The following SCHIP1 variants were observed in gnomAD, a reference collection of about 807,000 sequenced individuals.
SCHIP1 encodes the protein schwannomin-interacting protein 1.
Under a neutral mutation model 29.7 loss-of-function variants are expected in SCHIP1, and 8 were observed. The observed-to-expected ratio is 0.27, with a 90% CI of 0.16 to 0.49. The LOEUF is 0.49. SCHIP1 is among the 20% of genes least tolerant of loss of function. The pLI, the probability that SCHIP1 is intolerant of heterozygous loss-of-function variation, is 0.99. For synonymous variants in SCHIP1, 76 were observed against 94.9 expected, an observed-to-expected ratio of 0.80 and a Z score of 1.16; for missense variants, 193 against 294.6, an observed-to-expected ratio of 0.66 and a Z score of 2.52.
chr3:159,434,078 A>G, the SCHIP1 span, among the ~76,000 whole-genome samples: 3 of 152,208 alleles, frequency 2.0e-5, no homozygotes, highest in Admixed American at 6.5e-5. Flanking sequence ...TTTCATCAGC[A>G]TTTATCTCAG....
the SCHIP1 span, among the ~76,000 whole-genome samples, chr3:159,781,055 G>C: frequency 6.6e-6 from 1 of 152,198 alleles, no homozygotes; most frequent in Non-Finnish European, 1.5e-5. Flanking sequence ...TTTTTAATGT[G>C]AATTAAAGAT....
the SCHIP1 span, among the ~76,000 whole-genome samples, chr3:159,510,882 G>A: frequency 5.9e-5 from 9 of 152,312 alleles, no homozygotes; most frequent in African/African-American, 9.6e-5. Context: ...GCCCCTACTT[G>A]GGGGTGCCTC....
chr3:159,573,931 A>C, the SCHIP1 span, among the ~76,000 whole-genome samples: 1 of 152,190 alleles, frequency 6.6e-6, no homozygotes, highest in African/African-American at 2.4e-5. Flanking sequence ...TGCATCACAA[A>C]GTTCTCGTGC....
chr3:159,442,115 G>A, the SCHIP1 span, among the ~76,000 whole-genome samples: 1 of 152,118 alleles, frequency 6.6e-6, no homozygotes, highest in South Asian at 2.1e-4. Context: ...TGGGAGAACT[G>A]GCAAAAACTG....
At chr3:159,291,859 A>G in the SCHIP1 span, among the ~76,000 whole-genome samples, 1 of 152,144 alleles carries the variant, frequency 6.6e-6, no homozygotes, top group Non-Finnish European at 1.5e-5. Context: ...CGGGTTCTTC[A>G]ATAAATCAAT....
chr3:159,663,713 CAA>C, the SCHIP1 span, among the ~76,000 whole-genome samples: 1 of 152,126 alleles, frequency 6.6e-6, no homozygotes, highest in African/African-American at 2.4e-5. Context: ...ACTGTTTGGA[CAA>C]AGTCTTTCAA....
chr3:159,296,142 T>C, the SCHIP1 span, among the ~76,000 whole-genome samples: 1 of 45,628 alleles, frequency 2.2e-5, no homozygotes, highest in Non-Finnish European at 7.7e-5. Context: ...CTTGCTGCTC[T>C]TTTTTTTTTT....
At chr3:159,863,235 G>A (rs1033413685) in intron 1 of SCHIP1, among the ~76,000 whole-genome samples, 1 of 152,112 alleles carries the variant, frequency 6.6e-6, no homozygotes, top group African/African-American at 2.4e-5. Flanking sequence ...AGCTACTCAG[G>A]AGGCTAAGGC....
At chr3:159,313,891 T>G in the SCHIP1 span, among the ~76,000 whole-genome samples, 1 of 152,186 alleles carries the variant, frequency 6.6e-6, no homozygotes, top group Non-Finnish European at 1.5e-5. Context: ...CCCACAATTT[T>G]GGTTTGCCTG....
the SCHIP1 span, among the ~76,000 whole-genome samples, chr3:159,790,510 C>A: frequency 6.6e-6 from 1 of 152,128 alleles, no homozygotes; most frequent in Admixed American, 6.5e-5. Flanking sequence ...TATGGTGAAA[C>A]CCCATCTCTA....
the SCHIP1 span, among the ~76,000 whole-genome samples, chr3:159,716,907 A>G: frequency 6.6e-6 from 1 of 151,988 alleles, no homozygotes; most frequent in Non-Finnish European, 1.5e-5. Context: ...CATCTACAGA[A>G]CTCTCCTCCC....
the SCHIP1 span, among the ~76,000 whole-genome samples, chr3:159,388,382 T>G: frequency 5.9e-5 from 9 of 152,042 alleles, no homozygotes; most frequent in Non-Finnish European, 1.3e-4. Flanking sequence ...ATGTAAAACC[T>G]AAATGAAGGG....
the SCHIP1 span, among the ~76,000 whole-genome samples, chr3:159,623,918 G>T: frequency 6.6e-6 from 1 of 152,122 alleles, no homozygotes; most frequent in Non-Finnish European, 1.5e-5. Context: ...GATAAAAGGT[G>T]TTCCCTACTC....
the SCHIP1 span, among the ~76,000 whole-genome samples, chr3:159,435,452 G>A: frequency 6.6e-6 from 1 of 152,062 alleles, no homozygotes; most frequent in Non-Finnish European, 1.5e-5. Context: ...ATGGAATCCT[G>A]GAATCACTGC....
chr3:159,637,422 C>CACACACACACACACACA, the SCHIP1 span, among the ~76,000 whole-genome samples: 1 of 145,960 alleles, frequency 6.9e-6, no homozygotes, highest in African/African-American at 2.6e-5. Flanking sequence ...CACACACACA[C>CACACACACACACACACA]CTGACTCTTC....
the SCHIP1 span, among the ~76,000 whole-genome samples, chr3:159,733,399 G>T: frequency 6.6e-6 from 1 of 152,188 alleles, no homozygotes; most frequent in African/African-American, 2.4e-5. Context: ...GTGTAGTATA[G>T]AAGGAGAAAC....
chr3:159,346,371 C>T, the SCHIP1 span, among the ~76,000 whole-genome samples: 1 of 150,958 alleles, frequency 6.6e-6, no homozygotes, highest in Non-Finnish European at 1.5e-5. Context: ...GCACTCCTCC[C>T]TTTCTCTGTC....
At chr3:159,385,714 A>T in the SCHIP1 span, among the ~76,000 whole-genome samples, 12 of 152,296 alleles carry the variant, frequency 7.9e-5, no homozygotes, top group African/African-American at 2.9e-4. Context: ...GAGCATTTTT[A>T]AAATTATACT....
chr3:159,437,108 G>T, the SCHIP1 span, among the ~76,000 whole-genome samples: 1 of 152,050 alleles, frequency 6.6e-6, no homozygotes, highest in Admixed American at 6.6e-5. Context: ...ATTGTCTAAG[G>T]ATAAAATTCA....
Sources: gnomAD v4.1 joint callset for allele counts (sites outside exome capture counted in the v4.1 genomes callset) on GRCh38, gnomAD v4.1.1 for gene constraint, MANE v1.5 for transcripts, NCBI Gene and HGNC (gene_info 2026-07-23, HGNC 2026-07-21) for gene names.